CAP2: variants seen among roughly 807,000 people sequenced by gnomAD.
The protein encoded by CAP2 is cyclase associated actin cytoskeleton regulatory protein 2, also known as adenylyl cyclase-associated protein 2.
In CAP2, 24 loss-of-function variants were observed where a neutral mutation model predicts 57.7. The ratio of observed to expected loss-of-function variants is 0.42; its 90% CI spans 0.30 to 0.58. The LOEUF (loss-of-function observed/expected upper bound fraction) is 0.58, where lower values mean the gene tolerates loss of function less well. CAP2 is among the 20% of genes least tolerant of loss of function. CAP2 has a pLI of 0.22. For missense variants in CAP2, 501 were observed against 590.3 expected, an observed-to-expected ratio of 0.85 and a Z score of 1.57; for synonymous variants, 194 against 207.2, an observed-to-expected ratio of 0.94 and a Z score of 0.55.
intron 3 of CAP2, among the ~76,000 whole-genome samples, chr6:17,459,820 T>C (rs1226437701): frequency 1.3e-5 from 2 of 152,064 alleles, no homozygotes; most frequent in Admixed American, 1.3e-4. Flanking sequence ...AGAATGCAGA[T>C]AACAAACAAG....
chr6:17,503,418 C>T (rs934399105), intron 4 of CAP2, among the ~76,000 whole-genome samples: 9 of 151,926 alleles, frequency 5.9e-5, no homozygotes, highest in Admixed American at 3.3e-4. Context: ...GCCAACATGG[C>T]GAAACCAAAA....
intron 4 of CAP2, among the ~76,000 whole-genome samples, chr6:17,487,572 C>T (rs566564584): frequency 7.2e-5 from 11 of 152,230 alleles, no homozygotes; most frequent in African/African-American, 2.6e-4. Flanking sequence ...CGGGTTCAAG[C>T]GATTCTCCTG....
intron 4 of CAP2, among the ~76,000 whole-genome samples, chr6:17,480,667 G>A (rs867616929): frequency 6.6e-5 from 10 of 151,960 alleles, no homozygotes; most frequent in African/African-American, 2.2e-4. Context: ...AAATGGAAGC[G>A]CCTGAAGTGT....
At position 17,413,534 on chromosome 6, in the gene CAP2, A is replaced by ATCAT. The variant is rs1301404206; in HGVS notation, c.-1-8020_-1-8019insCATT. Among the ~76,000 whole-genome samples, 4 of 152,320 alleles carry ATCAT rather than the reference A, an allele frequency of 2.6e-5. No homozygotes were observed. The East Asian group carries it at 5.8e-4, about 22-fold the overall frequency. ...TTTAATCAGCCTTAGTTTTCTAGAT[A>ATCAT]TGAGCATTGTGCCTAGTAGACAGTG... On this transcript the variant is annotated intron_variant, in intron 1 of 12. Coordinates refer to ENST00000229922, the MANE Select transcript of CAP2 (RefSeq NM_006366.3).
At chr6:17,493,330 A>AAGATATGATAGAGATG (rs202007605) in intron 4 of CAP2, 11,531 of 298,818 alleles carry the variant, frequency 0.039, 415 homozygotes, top group Non-Finnish European at 0.057. Flanking sequence ...TCAATTTGTT[A>AAGATATGATAGAGATG]AGATATGATA....
chr6:17,482,897 G>C (rs1016926914), intron 4 of CAP2, among the ~76,000 whole-genome samples: 1 of 152,202 alleles, frequency 6.6e-6, no homozygotes, highest in Non-Finnish European at 1.5e-5. Context: ...CACTCAGCCC[G>C]TAACACTAGA....
chr6:17,541,558 T>A (rs987497077), intron 9 of CAP2, among the ~76,000 whole-genome samples: 1 of 151,988 alleles, frequency 6.6e-6, no homozygotes, highest in African/African-American at 2.4e-5. Context: ...CCAGCCTGGG[T>A]GACAGAGTGA....
In CAP2 at chr6:17,408,187, CAAGA is replaced by C. The variant is rs199556444; in HGVS notation, c.-1-13365_-1-13362del. Among the ~76,000 whole-genome samples the C allele has an allele frequency of 9.2e-3, 1,402 of 152,220 alleles. 13 individuals carry two copies. Among genetic ancestry groups the C allele is most frequent in the Non-Finnish European group, 0.013 (860 of 68,016 alleles). ...TTGGCTGACAGTTCTGCAGGCTGTA[CAAGA>C]AACATCTGTTTCTGGTAAAGGCCTC... On this transcript the variant is annotated intron_variant, in intron 1 of 12. Coordinates refer to ENST00000229922, the MANE Select transcript of CAP2 (RefSeq NM_006366.3).
At chr6:17,449,146 G>A (rs980767200) in intron 3 of CAP2, among the ~76,000 whole-genome samples, 3 of 152,180 alleles carry the variant, frequency 2.0e-5, no homozygotes, top group African/African-American at 7.2e-5. Flanking sequence ...ATATGTAGAT[G>A]AAGTAATGTA....
chr6:17,491,689 G>T (rs532323690), intron 4 of CAP2, among the ~76,000 whole-genome samples: 3 of 152,032 alleles, frequency 2.0e-5, no homozygotes, highest in Non-Finnish European at 4.4e-5. Context: ...GACATATCTG[G>T]GTCCAAATCT....
intron 7 of CAP2, among the ~76,000 whole-genome samples, chr6:17,533,192 T>G (rs1027366422): frequency 4.6e-5 from 7 of 151,974 alleles, no homozygotes; most frequent in Non-Finnish European, 7.3e-5. Context: ...CAAATTTTGA[T>G]GTACATTAGT....
chr6:17,531,454 C>G (rs779378572), intron 7 of CAP2: 2 of 1,526,072 alleles, frequency 1.3e-6, no homozygotes, highest in Non-Finnish European at 1.8e-6. Context: ...TGTACATCTG[C>G]CTATATTCCT....
At chr6:17,457,043 C>T (rs1256375956) in intron 3 of CAP2, among the ~76,000 whole-genome samples, 2 of 152,126 alleles carry the variant, frequency 1.3e-5, no homozygotes, top group African/African-American at 2.4e-5. Context: ...AATTCATTCC[C>T]CTGTTCTTCA....
intron 4 of CAP2, among the ~76,000 whole-genome samples, chr6:17,474,371 A>G (rs1168545434): frequency 2.6e-5 from 4 of 151,908 alleles, no homozygotes; most frequent in East Asian, 1.9e-4. Context: ...TGCTTTGAGA[A>G]CTAGTGTTTC....
At chr6:17,428,946 A>G (rs1759658143) in intron 3 of CAP2, among the ~76,000 whole-genome samples, 1 of 152,148 alleles carries the variant, frequency 6.6e-6, no homozygotes, top group Admixed American at 6.5e-5. Context: ...ATTGCAATGT[A>G]TTTGTTTGCC....
intron 3 of CAP2, among the ~76,000 whole-genome samples, chr6:17,436,076 T>TC (rs1759874057): frequency 8.3e-6 from 1 of 120,340 alleles, no homozygotes; most frequent in African/African-American, 3.2e-5. Flanking sequence ...AATCTTTCTT[T>TC]CTTTCTTTCT....
intron 1 of CAP2, among the ~76,000 whole-genome samples, chr6:17,411,881 G>A (rs920699112): frequency 8.5e-5 from 13 of 152,100 alleles, no homozygotes; most frequent in African/African-American, 2.7e-4. Context: ...GGGGCAACGT[G>A]GGGACACAGA....
At chr6:17,401,237 C>T (rs1451255346) in intron 1 of CAP2, among the ~76,000 whole-genome samples, 1 of 152,088 alleles carries the variant, frequency 6.6e-6, no homozygotes, top group African/African-American at 2.4e-5. Flanking sequence ...GAAAGAGAAC[C>T]AAGGGAGACC....
chr6:17,474,507 A>T (rs1761100024), intron 4 of CAP2, among the ~76,000 whole-genome samples: 1 of 152,102 alleles, frequency 6.6e-6, no homozygotes, highest in African/African-American at 2.4e-5. Context: ...TTTATTTTTC[A>T]GGCTTTTCTT....
Sources: allele counts gnomAD v4.1 joint callset (sites outside exome capture counted in the v4.1 genomes callset), GRCh38; gene constraint gnomAD v4.1.1; transcripts MANE v1.5; gene names NCBI Gene and HGNC (gene_info 2026-07-23, HGNC 2026-07-21).